The following HERC1 variants were observed in gnomAD, a reference collection of about 807,000 sequenced individuals.
The protein encoded by HERC1 is HECT and RLD domain containing E3 ubiquitin protein ligase family member 1, also known as probable E3 ubiquitin-protein ligase HERC1.
In HERC1, 160 loss-of-function variants were observed where a neutral mutation model predicts 554.3. The ratio of observed to expected loss-of-function variants is 0.29; its 90% CI spans 0.25 to 0.33. The LOEUF is 0.33. Among genes scored for constraint, HERC1 ranks in the 10% least tolerant of loss-of-function variants. The probability of loss-of-function intolerance (pLI) is 1.00; values close to 1 mark genes in which losing one functional copy is unlikely to be tolerated. For synonymous variants in HERC1, 2,175 were observed against 2,131.7 expected, an observed-to-expected ratio of 1.02 and a Z score of -0.56; for missense variants, 4,919 against 5,918.5, an observed-to-expected ratio of 0.83 and a Z score of 5.54.
At chr15:63,795,762 C>T (rs1005319114) in intron 1 of HERC1, among the ~76,000 whole-genome samples, 2 of 152,304 alleles carry the variant, frequency 1.3e-5, no homozygotes, top group African/African-American at 2.4e-5. Flanking sequence ...TAATCTCACG[C>T]GTCCACCCTA....
chr15:63,741,472 C>A (rs1421889808), intron 12 of HERC1, among the ~76,000 whole-genome samples: 1 of 152,022 alleles, frequency 6.6e-6, no homozygotes, highest in Non-Finnish European at 1.5e-5. Flanking sequence ...GCCACTACAC[C>A]CGGCTAATTT....
At chr15:63,623,174 G>T (rs1196757993) in intron 73 of HERC1, among the ~76,000 whole-genome samples, 1 of 152,124 alleles carries the variant, frequency 6.6e-6, no homozygotes, top group Non-Finnish European at 1.5e-5. Context: ...TGTTCAAATC[G>T]AATCAGTAAT....
intron 34 of HERC1, among the ~76,000 whole-genome samples, chr15:63,684,837 A>G (rs1326660326): frequency 2.6e-5 from 4 of 152,022 alleles, no homozygotes; most frequent in Non-Finnish European, 4.4e-5. Context: ...GCAAAACCCT[A>G]TCTCTACTAA....
chr15:63,824,888 TAA>T (rs528035063), intron 1 of HERC1, among the ~76,000 whole-genome samples: 2 of 144,244 alleles, frequency 1.4e-5, no homozygotes, highest in African/African-American at 2.5e-5. Context: ...TGTGGAATCT[TAA>T]AAAAAAAAAA....
chr15:63,723,149 A>C (rs2073892972), intron 19 of HERC1, 33 bp downstream of exon 19: 1 of 1,331,502 alleles, frequency 7.5e-7, no homozygotes, highest in Non-Finnish European at 9.8e-7. Context: ...TGAGCTAACT[A>C]CAAATTTACT....
At chr15:63,663,604 G>A (rs1322819423) in intron 43 of HERC1, among the ~76,000 whole-genome samples, 1 of 152,132 alleles carries the variant, frequency 6.6e-6, no homozygotes, top group East Asian at 1.9e-4. Context: ...ACAGGCACAT[G>A]CCACCATACC....
In HERC1 at chr15:63,656,336, C is replaced by A. The variant is rs1341540238; in HGVS notation, c.9622G>T (p.Ala3208Ser). ...SVSGSSCSLAAGLESLGLTDI... is the reference protein window; with the variant it reads ...SVSGSSCSLASGLESLGLTDI... Reference sequence around the variant, plus strand: ...GTTAGCCCCAGAGACTCAAGACCAGCAGCCAGGCTACAACTGGAACCACTG... The same window carrying A: ...GTTAGCCCCAGAGACTCAAGACCAGAAGCCAGGCTACAACTGGAACCACTG... Residue 3208 changes from alanine to serine, a missense_variant, in exon 49 of 78, where the codon GCT becomes TCT. By Grantham distance (99) the Ala-to-Ser change is moderately conservative. Around this residue, in one of 11 missense-constraint regions of HERC1, gnomAD observed 1,963 missense variants for 2,228.6 expected, o/e 0.88. Transcript: ENST00000443617. 6.2e-7 allele frequency: 1 copy of A among 1,611,894 alleles called. No homozygotes were observed. The highest frequency in any genetic ancestry group is 1.1e-5 in the South Asian group (1 of 91,070).
intron 1 of HERC1, among the ~76,000 whole-genome samples, chr15:63,795,185 T>C (rs1189350708): frequency 6.6e-6 from 1 of 152,140 alleles, no homozygotes; most frequent in Admixed American, 6.5e-5. Context: ...AGCACAAGTT[T>C]CTGCTTTAAA....
intron 64 of HERC1, chr15:63,637,238 A>C (rs1009977629): frequency 1.9e-6 from 1 of 523,656 alleles, no homozygotes; most frequent in African/African-American, 1.9e-5. Context: ...CACTTTTGCA[A>C]TTTTTAAGCA....
At chr15:63,631,842 T>C (rs188914953) in intron 68 of HERC1, among the ~76,000 whole-genome samples, 29 of 152,152 alleles carry the variant, frequency 1.9e-4, no homozygotes, top group Admixed American at 1.7e-3. Context: ...CGCCCGGCCC[T>C]CCCAAGTCTT....
At chr15:63,736,855 C>T (rs1370929379) in intron 12 of HERC1, among the ~76,000 whole-genome samples, 2 of 152,090 alleles carry the variant, frequency 1.3e-5, no homozygotes, top group Non-Finnish European at 2.9e-5. Context: ...GATCTGCCCA[C>T]CTCAGCCTCC....
rs370937975 is a variant in HERC1 at position 63,775,128 on chromosome 15, G to T, written c.496C>A (p.Leu166Ile). The T allele has an allele frequency of 6.2e-7, 1 of 1,613,860 alleles. No homozygotes were observed. The highest frequency in any genetic ancestry group is 8.5e-7 in the Non-Finnish European group (1 of 1,179,880). The change falls in exon 2 of 78, where the codon CTA becomes ATA. Residue 166 changes from leucine to isoleucine, a missense_variant. Physicochemically the swap from Leu to Ile is conservative, Grantham distance 5 (BLOSUM62 2). This residue lies in a region of HERC1 where 744 missense variants were observed against 1,090.0 expected (regional missense o/e 0.68). Transcript: ENST00000443617. The surrounding 1 kb of genome is among the most constrained non-coding windows in gnomAD (Gnocchi z 4.0). Reference protein sequence around the residue: ...ALIEMGVRTGLSLLFALLRQS... With the variant: ...ALIEMGVRTGISLLFALLRQS... ...CTTAGAAGCGCAAATAATAAACTTA[G>T]ACCAGTTCGAACACCCATTTCTATA...
intron 1 of HERC1, among the ~76,000 whole-genome samples, chr15:63,818,944 A>T (rs569685018): frequency 6.6e-6 from 1 of 152,372 alleles, no homozygotes; most frequent in South Asian, 2.1e-4. Flanking sequence ...TGCCATTAGA[A>T]TTATAGTTTT....
At chr15:63,818,228 T>G (rs1431111534) in intron 1 of HERC1, among the ~76,000 whole-genome samples, 4 of 152,212 alleles carry the variant, frequency 2.6e-5, no homozygotes, top group Non-Finnish European at 4.4e-5. Context: ...CAGACAATAT[T>G]GCAGAATCAT....
rs921034210 is a variant in HERC1 at position 63,758,677 on chromosome 15, C to T, written c.1027-308G>A. Among the ~76,000 whole-genome samples the T allele has an allele frequency of 3.3e-5, 5 of 152,146 alleles. No individual in the cohort carries two copies. Among genetic ancestry groups the T allele is most frequent in the African/African-American group, 9.7e-5 (4 of 41,430 alleles). ...AGTAGAAAAAATCACCATGGATAAT[C>T]TTAACATCTTAATACAATAAATTTT... On this transcript the variant is annotated intron_variant, in intron 3 of 77. Coordinates refer to ENST00000443617, the MANE Select transcript of HERC1 (RefSeq NM_003922.4). The surrounding 1 kb of genome is among the most constrained non-coding windows in gnomAD (Gnocchi z 4.0).
rs140819055 is a variant in HERC1 at position 63,718,121 on chromosome 15, C to CACACACACACACAT, written c.3978+452_3978+453insATGTGTGTGTGTGT. Among the ~76,000 whole-genome samples, 853 of 143,066 alleles carry CACACACACACACAT rather than the reference C, an allele frequency of 6.0e-3. 21 individuals carry two copies. Among genetic ancestry groups the CACACACACACACAT allele is most frequent in the Middle Eastern group, 0.021 (6 of 282 alleles). 93.9% of individuals were successfully genotyped at this position (143,066 alleles called of 152,430 possible). On this transcript the variant is annotated intron_variant, in intron 21 of 77. Transcript: ENST00000443617. The surrounding 1 kb of genome is among the most constrained non-coding windows in gnomAD (Gnocchi z 4.2). ...ACACACACACACACACACACACACACACAACCCCCTCCTTGGTTTTCACTT... is the reference window on the plus strand; with the variant it reads ...ACACACACACACACACACACACACACACACACACACACATACAACCCCCTCCTTGGTTTTCACTT...
chr15:63,746,079 A>G (rs2075043540), intron 12 of HERC1, among the ~76,000 whole-genome samples: 1 of 151,732 alleles, frequency 6.6e-6, no homozygotes, highest in African/African-American at 2.4e-5. Flanking sequence ...CTTTGGGTTG[A>G]GTTGACTCTT....
intron 25 of HERC1, among the ~76,000 whole-genome samples, chr15:63,704,815 T>C (rs975196876): frequency 3.3e-5 from 5 of 149,454 alleles, no homozygotes; most frequent in African/African-American, 1.2e-4. Flanking sequence ...CTCGGCTCAC[T>C]GCAAGCTCCG....
rs1304360818 is a variant in HERC1, at chr15:63,637,524, T to G, written c.12213A>C (p.Thr4071=). 1 of 1,568,348 alleles carries G rather than the reference T, an allele frequency of 6.4e-7. No homozygotes were observed. The highest frequency in any genetic ancestry group is 2.3e-5 in the East Asian group (1 of 43,184). The change falls in exon 64 of 78, where the codon ACA becomes ACC. Residue 4071 remains threonine, a synonymous_variant. Coordinates refer to ENST00000443617, the MANE Select transcript of HERC1 (RefSeq NM_003922.4). ...TTTTACCTTGTAAGGCTGAAATAACTGTCAGCACATGAAGGTCATCTGAAT... is the reference window on the plus strand; with the variant it reads ...TTTTACCTTGTAAGGCTGAAATAACGGTCAGCACATGAAGGTCATCTGAAT... ...QGNSDDLHVL[T]VISALQGFVV...
Sources: allele counts gnomAD v4.1 joint callset (sites outside exome capture counted in the v4.1 genomes callset), GRCh38; gene constraint gnomAD v4.1.1; regional missense constraint gnomAD v4.1.1; non-coding constraint Gnocchi (gnomAD v3.1); transcripts MANE v1.5; gene names NCBI Gene and HGNC (gene_info 2026-07-23, HGNC 2026-07-21).